Variants in PRKAG1 observed in about 807,000 individuals in gnomAD.
PRKAG1 encodes 5'-AMP-activated protein kinase subunit gamma-1.
A neutral mutation model predicts 48.2 loss-of-function variants in PRKAG1; 27 were observed. The ratio of observed to expected loss-of-function variants is 0.56; its 90% CI spans 0.41 to 0.77. PRKAG1 has a LOEUF of 0.77. Ranked by LOEUF, PRKAG1 falls within the 30% of genes least tolerant of loss-of-function variation. The pLI, the probability that PRKAG1 is intolerant of heterozygous loss-of-function variation, is 0.00. For missense variants in PRKAG1, 287 were observed against 398.3 expected (o/e 0.72, Z 2.38); for synonymous variants, 130 against 147.7 (o/e 0.88, Z 0.87).
intron 8 of PRKAG1, 128 bp downstream of exon 8, chr12:49,004,378 AG>A: frequency 8.1e-7 from 1 of 1,230,270 alleles, no homozygotes; most frequent in Non-Finnish European, 1.1e-6. Flanking sequence ...CTGAGGCGGG[AG>A]GATCACTTGA....
chr12:49,018,053 G>C (rs912020849), intron 1 of PRKAG1: 1 of 152,240 alleles, frequency 6.6e-6, no homozygotes, highest in African/African-American at 2.4e-5. Flanking sequence ...CGCAGCATCT[G>C]TGGGAGGGTG....
At chr12:49,004,025 T>C in intron 8 of PRKAG1, 103 bp from the exon 9 acceptor site, 1 of 1,455,418 alleles carries the variant, frequency 6.9e-7, no homozygotes, top group Non-Finnish European at 9.1e-7. Context: ...TGCGCCGGCT[T>C]ATGCCTATAA....
chr12:49,007,309 A>G (rs981709927), intron 2 of PRKAG1, among the ~76,000 whole-genome samples: 5 of 151,958 alleles, frequency 3.3e-5, no homozygotes, highest in Non-Finnish European at 5.9e-5. Context: ...AAAAAATTAC[A>G]TAATTTAATC....
Position 49,005,242 on chromosome 12 carries a change from G to C in PRKAG1, c.309+64C>G, listed in dbSNP as rs1420809472. On this transcript the variant is annotated intron_variant, in intron 5 of 11. Coordinates refer to ENST00000548065, the MANE Select transcript of PRKAG1 (RefSeq NM_002733.5). This position sits in a 1 kb window ranked among gnomAD's most constrained non-coding sequence, Gnocchi z 4.1. The stretch of plus-strand genomic sequence containing the variant: ...CCCTCGTGGCTTGCTTGGAGAAAAA[G>C]AAATGAGAATGAGGGATTTAGGGCA... The C allele has an allele frequency of 6.2e-7, 1 of 1,613,040 alleles. No homozygotes were observed. The highest frequency in any genetic ancestry group is 8.5e-7 in the Non-Finnish European group (1 of 1,179,054).
intron 7 of PRKAG1, 128 bp from the exon 8 acceptor site, chr12:49,004,761 C>G (rs1941449329): frequency 1.4e-6 from 2 of 1,431,764 alleles, no homozygotes; most frequent in East Asian, 2.3e-5. Flanking sequence ...ACAGGCCAGA[C>G]TTAAAGAGAA....
intron 2 of PRKAG1, among the ~76,000 whole-genome samples, chr12:49,006,493 T>C (rs943550698): frequency 1.3e-5 from 2 of 152,240 alleles, no homozygotes; most frequent in Non-Finnish European, 2.9e-5. Context: ...AACACCCTGA[T>C]AGTCCATTCT....
In PRKAG1 at chr12:49,006,796, C is replaced by T. The variant is rs183681169; in HGVS notation, c.59-944G>A. 8.6e-5 allele frequency among the ~76,000 whole-genome samples: 13 copies of T among 151,350 alleles called. No homozygotes were observed. In the East Asian group the frequency reaches 2.5e-3, roughly 30 times the overall value. On this transcript the variant is annotated intron_variant, in intron 2 of 11. Coordinates refer to ENST00000548065, the MANE Select transcript of PRKAG1 (RefSeq NM_002733.5). ...ACCAGCCTGACCAACATGGATAAAC[C>T]CTGTCTCTATTAAAAATACAAAATT...
At chr12:49,006,052 G>A (rs1941524365) in intron 2 of PRKAG1, among the ~76,000 whole-genome samples, 200 bp from the exon 3 acceptor site, 1 of 152,064 alleles carries the variant, frequency 6.6e-6, no homozygotes, top group African/African-American at 2.4e-5. Context: ...TCCAACCCCT[G>A]TCTCCAGGTT....
intron 2 of PRKAG1, among the ~76,000 whole-genome samples, chr12:49,011,292 A>G (rs1019987445): frequency 1.3e-5 from 2 of 152,234 alleles, no homozygotes; most frequent in Non-Finnish European, 1.5e-5. Flanking sequence ...CCACAGGCCC[A>G]TAAACATATT....
intron 2 of PRKAG1, among the ~76,000 whole-genome samples, chr12:49,009,657 G>A (rs914656269): frequency 3.9e-5 from 6 of 152,074 alleles, no homozygotes; most frequent in Non-Finnish European, 5.9e-5. Context: ...TTGTTGCCCA[G>A]GCTGGAGTGC....
chr12:49,008,311 T>C (rs1941625045), intron 2 of PRKAG1: 1 of 152,204 alleles, frequency 6.6e-6, no homozygotes, highest in African/African-American at 2.4e-5. Flanking sequence ...TTATAACTAA[T>C]CCAACCCCCA....
At chr12:49,003,471 A>T in intron 10 of PRKAG1, 87 bp downstream of exon 10, 1 of 1,567,588 alleles carries the variant, frequency 6.4e-7, no homozygotes. Context: ...CTTAGATCAC[A>T]GAAGAGACTC....
chr12:49,004,849 GTGTGT>G (rs1941464734), intron 7 of PRKAG1, 110 bp downstream of exon 7: 1 of 1,097,882 alleles, frequency 9.1e-7, no homozygotes, highest in African/African-American at 1.5e-5. Context: ...GTGTGTGTGT[GTGTGT>G]GTGTGTGTCT....
At chr12:49,003,054 A>C in intron 11 of PRKAG1, 48 bp from the exon 12 acceptor site, 1 of 1,612,860 alleles carries the variant, frequency 6.2e-7, no homozygotes, top group Non-Finnish European at 8.5e-7. Flanking sequence ...TGCTGGCCTC[A>C]GGGGAAGCCC....
chr12:49,016,258 C>T (rs924924285), intron 1 of PRKAG1, among the ~76,000 whole-genome samples: 2 of 152,180 alleles, frequency 1.3e-5, no homozygotes, highest in Non-Finnish European at 2.9e-5. Flanking sequence ...CTTTTAATAA[C>T]ATAAGGGACC....
chr12:49,013,432 AT>A (rs1172999151), intron 1 of PRKAG1, among the ~76,000 whole-genome samples: 1 of 152,020 alleles, frequency 6.6e-6, no homozygotes, highest in African/African-American at 2.4e-5. Context: ...TTTAGTAGAG[AT>A]GGAGTTTTGC....
At chr12:49,008,647 T>G (rs947573277) in intron 2 of PRKAG1, 1 of 152,210 alleles carries the variant, frequency 6.6e-6, no homozygotes, top group Non-Finnish European at 1.5e-5. Flanking sequence ...CCTTGCAGCC[T>G]GTAGATATCT....
In PRKAG1 at chr12:49,003,180, A is replaced by C; in HGVS notation, c.852T>G (p.Thr284=). 1.2e-6 allele frequency: 2 copies of C among 1,614,154 alleles called. No homozygotes were observed. The highest frequency in any genetic ancestry group is 8.5e-7 in the Non-Finnish European group (1 of 1,180,022). The change falls in exon 11 of 12, where the codon ACT becomes ACG. Residue 284 remains threonine, a synonymous_variant. Transcript: ENST00000548065. ...CTAGCCTGTTGATGATGGTCTCCAG[A>C]GTCTCATGCAGGTAGCACTTGAGAA... is the stretch of plus-strand genomic sequence containing the variant. The part of the protein sequence containing the change: ...EGVLKCYLHE[T]LETIINRLVE...
At position 49,005,163 on chromosome 12, in the gene PRKAG1, T is replaced by A; in HGVS notation, c.312A>T (p.Val104=). 3 of 1,614,148 alleles carry A rather than the reference T, an allele frequency of 1.9e-6. No homozygotes were observed. The highest frequency in any genetic ancestry group is 2.5e-6 in the Non-Finnish European group (3 of 1,180,010). The stretch of plus-strand genomic sequence containing the variant: ...TGTGTTCTTCTAGCTCATAGATCTG[T>A]ACCTGAAAGCAGAAGCAACAGAATT... ...ILHRYYKSAL[V]QIYELEEHKI... is the part of the protein sequence containing the mutation. Residue 104 remains valine, a splice_region_variant and synonymous_variant, in exon 6 of 12, where the codon GTA becomes GTT. Coordinates refer to ENST00000548065, the MANE Select transcript of PRKAG1 (RefSeq NM_002733.5). The surrounding 1 kb of genome is among the most constrained non-coding windows in gnomAD (Gnocchi z 4.1).
Sources: allele counts gnomAD v4.1 joint callset (sites outside exome capture counted in the v4.1 genomes callset), GRCh38; gene constraint gnomAD v4.1.1; non-coding constraint Gnocchi (gnomAD v3.1); transcripts MANE v1.5; gene names NCBI Gene and HGNC (gene_info 2026-07-23, HGNC 2026-07-21).